Variants in WAPL observed in about 807,000 individuals in gnomAD.
WAPL encodes the protein WAPL cohesin release factor, also known as wings apart-like protein homolog.
A neutral mutation model predicts 121.0 loss-of-function variants in WAPL; 5 were observed. The observed-to-expected ratio is 0.04, with a 90% CI of 0.02 to 0.09. WAPL has a LOEUF of 0.09. Among genes scored for constraint, WAPL ranks in the 10% least tolerant of loss-of-function variants. WAPL has a pLI of 1.00. For missense variants in WAPL, 999 were observed against 1,410.8 expected (o/e 0.71, Z 4.68); for synonymous variants, 480 against 481.5 (o/e 1.00, Z 0.04).
intron 4 of WAPL, among the ~76,000 whole-genome samples, chr10:86,487,918 A>G (rs1474755861): frequency 1.3e-5 from 2 of 152,158 alleles, no homozygotes; most frequent in African/African-American, 4.8e-5. Context: ...AAACAAAAAA[A>G]GAGTTAATGC....
Position 86,500,428 on chromosome 10 carries a change from A to G in WAPL, c.815T>C (p.Leu272Ser), listed in dbSNP as rs373566339. 4.3e-6 allele frequency: 7 copies of G among 1,614,138 alleles called. No individual in the cohort carries two copies. The highest frequency in any genetic ancestry group is 1.7e-5 in the Admixed American group (1 of 60,008). The part of the protein sequence containing the change: ...EMKDDDFKNR[L>S]ENLNEAIEED... ...CTCAATGGCTTCATTCAGATTTTCC[A>G]ATCGATTTTTAAAATCGTCATCCTT... Residue 272 changes from leucine to serine, a missense_variant, in exon 3 of 19, where the codon TTG (leucine) becomes TCG (serine). Transcript: ENST00000298767.
intron 17 of WAPL, among the ~76,000 whole-genome samples, chr10:86,442,815 G>A (rs948319889): frequency 2.6e-5 from 4 of 152,044 alleles, no homozygotes; most frequent in Admixed American, 6.5e-5. Context: ...CAAGGCAGGC[G>A]GATCACGAGG....
chr10:86,499,461 T>C (rs528532743), intron 3 of WAPL, among the ~76,000 whole-genome samples: 3 of 152,310 alleles, frequency 2.0e-5, no homozygotes, highest in South Asian at 2.1e-4. Context: ...ATATACTATG[T>C]TTTTTCGTAT....
intron 3 of WAPL, among the ~76,000 whole-genome samples, chr10:86,498,767 A>C (rs1842194191): frequency 6.6e-6 from 1 of 152,152 alleles, no homozygotes; most frequent in Non-Finnish European, 1.5e-5. Flanking sequence ...TGGCAGAGCT[A>C]ACCTATTTCT....
chr10:86,519,877 T>C (rs1386302267), intron 1 of WAPL, among the ~76,000 whole-genome samples: 1 of 152,240 alleles, frequency 6.6e-6, no homozygotes, highest in East Asian at 1.9e-4. Flanking sequence ...CTTGAGTTCC[T>C]TTATGCCAAC....
chr10:86,519,393 C>T (rs966140609), intron 1 of WAPL, among the ~76,000 whole-genome samples: 1 of 134,930 alleles, frequency 7.4e-6, no homozygotes, highest in African/African-American at 2.8e-5. Flanking sequence ...TTGACCTATA[C>T]TTTTGAATAT....
chr10:86,502,990 T>TC (rs1465180741), intron 2 of WAPL, among the ~76,000 whole-genome samples: 2 of 150,988 alleles, frequency 1.3e-5, no homozygotes, highest in Admixed American at 1.3e-4. Context: ...AAACCCTGTC[T>TC]CTACTAAAAA....
At chr10:86,492,347 A>C (rs546897909) in intron 4 of WAPL, among the ~76,000 whole-genome samples, 9 of 152,220 alleles carry the variant, frequency 5.9e-5, no homozygotes, top group Non-Finnish European at 8.8e-5. Context: ...ATGTAGGCAA[A>C]GCTCAACAAT....
chr10:86,439,364 A>C (rs1278347516), intron 17 of WAPL, among the ~76,000 whole-genome samples: 3 of 152,222 alleles, frequency 2.0e-5, no homozygotes, highest in Admixed American at 6.5e-5. Context: ...AATAGTGGCT[A>C]AGGTGTCTCT....
At chr10:86,453,148 C>T in intron 14 of WAPL, 72 bp downstream of exon 14, 1 of 1,374,358 alleles carries the variant, frequency 7.3e-7, no homozygotes, top group South Asian at 1.2e-5. Context: ...TTCTTAAACC[C>T]AAACTAAGGT....
chr10:86,466,131 T>G (rs964286642), intron 9 of WAPL, among the ~76,000 whole-genome samples: 1 of 152,290 alleles, frequency 6.6e-6, no homozygotes, highest in South Asian at 2.1e-4. Flanking sequence ...GAGCAGCCAC[T>G]GGCCATGACT....
rs1842214269 is a variant in WAPL at position 86,499,837 on chromosome 10, C to T, written c.1406G>A (p.Cys469Tyr). Residue 469 changes from cysteine (C) to tyrosine (Y), a missense_variant, in exon 3 of 19, where the codon TGT becomes TAT. Physicochemically the swap from Cys to Tyr is radical, Grantham distance 194. Coordinates refer to ENST00000298767, the MANE Select transcript of WAPL (RefSeq NM_015045.5). ...SESEDDEDDD[C>Y]QVERKTSKKR... ...TTTGCTTGTCTTTCTTTCTACTTGA[C>T]AGTCATCATCTTCATCATCTTCGCT... The T allele has an allele frequency of 6.2e-7, 1 of 1,613,872 alleles. No homozygotes were observed. The highest frequency in any genetic ancestry group is 1.3e-5 in the African/African-American group (1 of 74,980).
In WAPL at chr10:86,472,352, G is replaced by GAA; in HGVS notation, c.1894-10_1894-9dup. 6.3e-7 allele frequency: 1 copy of GAA among 1,576,122 alleles called. No individual in the cohort carries two copies. Among genetic ancestry groups the GAA allele is most frequent in the Admixed American group, 2.1e-5 (1 of 47,802 alleles). ...CTGAACAACAGTATATAACTGCCAA[G>GAA]AAAAAAAAAGTTCACCCCTTTTTAA... On this transcript the variant is annotated splice_polypyrimidine_tract_variant and intron_variant, in intron 6 of 18. Coordinates refer to ENST00000298767, the MANE Select transcript of WAPL (RefSeq NM_015045.5). The surrounding 1 kb of genome is among the most constrained non-coding windows in gnomAD (Gnocchi z 4.2).
chr10:86,450,467 CTCAAACAA>C (rs1415266687), intron 15 of WAPL, among the ~76,000 whole-genome samples: 3 of 152,180 alleles, frequency 2.0e-5, no homozygotes, highest in Admixed American at 2.0e-4. Flanking sequence ...AACTCCTGAG[CTCAAACAA>C]TCCACCCACC....
intron 4 of WAPL, among the ~76,000 whole-genome samples, chr10:86,490,746 A>G (rs1472084092): frequency 1.3e-5 from 2 of 152,172 alleles, no homozygotes; most frequent in Non-Finnish European, 2.9e-5. Context: ...AGGATAAAGC[A>G]AATAAGTATA....
intron 2 of WAPL, among the ~76,000 whole-genome samples, chr10:86,513,822 G>C (rs1319089385): frequency 6.6e-6 from 1 of 152,148 alleles, no homozygotes; most frequent in African/African-American, 2.4e-5. Context: ...GAACGAGAAG[G>C]ACACTCAACA....
chr10:86,446,526 G>A, intron 15 of WAPL, 77 bp from the exon 16 acceptor site: 2 of 1,407,290 alleles, frequency 1.4e-6, no homozygotes, highest in Non-Finnish European at 9.6e-7. Context: ...TAAAGTTATA[G>A]TTGCTTTTAA....
intron 4 of WAPL, among the ~76,000 whole-genome samples, chr10:86,490,157 T>C (rs1305149409): frequency 2.6e-5 from 4 of 151,446 alleles, no homozygotes; most frequent in South Asian, 2.1e-4. Flanking sequence ...GAGGTTGCAG[T>C]GAGCCAAGAT....
At chr10:86,442,276 C>T (rs575902999) in intron 17 of WAPL, among the ~76,000 whole-genome samples, 1 of 152,206 alleles carries the variant, frequency 6.6e-6, no homozygotes, top group African/African-American at 2.4e-5. Flanking sequence ...AAGTGATCTG[C>T]CCATCTCAGC....
Sources: gnomAD v4.1 joint callset for allele counts (sites outside exome capture counted in the v4.1 genomes callset) on GRCh38, gnomAD v4.1.1 for gene constraint, Gnocchi (gnomAD v3.1) non-coding constraint, MANE v1.5 for transcripts, NCBI Gene and HGNC (gene_info 2026-07-23, HGNC 2026-07-21) for gene names.